The following DOCK8 variants were observed in gnomAD, a reference collection of about 807,000 sequenced individuals.
DOCK8 encodes the protein dedicator of cytokinesis 8.
Under a neutral mutation model 245.6 loss-of-function variants are expected in DOCK8, and 141 were observed. That is an observed-to-expected ratio of 0.57 (90% CI 0.50 to 0.66). The LOEUF (loss-of-function observed/expected upper bound fraction) is 0.66, where lower values mean the gene tolerates loss of function less well. DOCK8 is among the 30% of genes least tolerant of loss of function. DOCK8 has a pLI of 0.00. For missense variants in DOCK8, 2,965 were observed against 2,603.4 expected (o/e 1.14, Z -3.02); for synonymous variants, 1,168 against 970.2 (o/e 1.20, Z -3.79).
At chr9:397,404 T>C (rs2054515407) in intron 25 of DOCK8, among the ~76,000 whole-genome samples, 1 of 146,480 alleles carries the variant, frequency 6.8e-6, no homozygotes, top group South Asian at 2.2e-4. Context: ...AATGATCATA[T>C]CAGGCTGGGT....
At chr9:361,904 T>C (rs894198997) in intron 14 of DOCK8, among the ~76,000 whole-genome samples, 26 of 152,176 alleles carry the variant, frequency 1.7e-4, no homozygotes, top group Non-Finnish European at 1.0e-4. Flanking sequence ...CTGTCAAAGA[T>C]AAAATTTTAT....
intron 1 of DOCK8, among the ~76,000 whole-genome samples, chr9:262,573 C>CA (rs1447966239): frequency 1.9e-4 from 29 of 150,288 alleles, no homozygotes; most frequent in Non-Finnish European, 3.4e-4. Context: ...GAAGCCAGAC[C>CA]AAAAAAAGAG....
chr9:324,316 TCA>T (rs1248746004), intron 7 of DOCK8, among the ~76,000 whole-genome samples: 1 of 152,222 alleles, frequency 6.6e-6, no homozygotes, highest in African/African-American at 2.4e-5. Context: ...GGACATCCTC[TCA>T]CACATACCTG....
At chr9:245,192 T>TTTTA (rs1222435842) in intron 1 of DOCK8, among the ~76,000 whole-genome samples, 3 of 152,112 alleles carry the variant, frequency 2.0e-5, no homozygotes, top group African/African-American at 4.8e-5. Context: ...AGATATTTTC[T>TTTTA]TTTATTTATT....
At chr9:423,950 C>T (rs527335203) in intron 33 of DOCK8, among the ~76,000 whole-genome samples, 3 of 152,226 alleles carry the variant, frequency 2.0e-5, no homozygotes, top group Non-Finnish European at 4.4e-5. Context: ...TGGTCCTTAC[C>T]ACGCATGGCC....
At chr9:368,693 T>G (rs533983710) in intron 15 of DOCK8, 1 of 151,684 alleles carries the variant, frequency 6.6e-6, no homozygotes, top group Non-Finnish European at 1.5e-5. Flanking sequence ...TGCAGTGTGC[T>G]CCAAGGAACT....
chr9:238,744 A>G (rs1416859667), intron 1 of DOCK8, among the ~76,000 whole-genome samples: 1 of 152,214 alleles, frequency 6.6e-6, no homozygotes, highest in Non-Finnish European at 1.5e-5. Context: ...CTAAATAAAG[A>G]CCAAAAGACT....
At chr9:323,997 C>G (rs573705681) in intron 7 of DOCK8, among the ~76,000 whole-genome samples, 1 of 152,296 alleles carries the variant, frequency 6.6e-6, no homozygotes, top group East Asian at 1.9e-4. Context: ...TACATTCACA[C>G]ACATCATTAT....
chr9:218,243 A>G (rs893067926), intron 1 of DOCK8, among the ~76,000 whole-genome samples: 1 of 152,190 alleles, frequency 6.6e-6, no homozygotes, highest in African/African-American at 2.4e-5. Context: ...AGTGTAAACT[A>G]TCTCTTAAAA....
chr9:350,857 G>A (rs2052132465), intron 14 of DOCK8, among the ~76,000 whole-genome samples: 1 of 152,194 alleles, frequency 6.6e-6, no homozygotes, highest in African/African-American at 2.4e-5. Flanking sequence ...TGGTGCCAAA[G>A]AATGGACATA....
intron 13 of DOCK8, 115 bp from the exon 14 acceptor site, chr9:340,044 A>T: frequency 8.2e-7 from 1 of 1,217,176 alleles, no homozygotes; most frequent in South Asian, 1.3e-5. Flanking sequence ...AAACTTTTTT[A>T]CAGTACTATA....
intron 2 of DOCK8, among the ~76,000 whole-genome samples, chr9:284,029 T>A (rs1194282594): frequency 6.6e-6 from 1 of 152,182 alleles, no homozygotes; most frequent in African/African-American, 2.4e-5. Flanking sequence ...TAATGCTCAA[T>A]AATTATTACT....
chr9:447,724 GAACA>G (rs1240941886), intron 44 of DOCK8, among the ~76,000 whole-genome samples: 2 of 152,180 alleles, frequency 1.3e-5, no homozygotes, highest in African/African-American at 2.4e-5. Context: ...TCAAGTTGGT[GAACA>G]AACACAGATG....
chr9:214,720 G>C (rs2046694102), upstream of DOCK8: 2 of 1,538,864 alleles, frequency 1.3e-6, no homozygotes, highest in Non-Finnish European at 1.7e-6. Context: ...GGCCAGTTCC[G>C]CGCTGGGCCC....
intron 45 of DOCK8, among the ~76,000 whole-genome samples, chr9:451,743 A>AT (rs1228694084): frequency 1.0e-4 from 15 of 150,546 alleles, no homozygotes; most frequent in South Asian, 8.4e-4. Context: ...GACCTTCCTT[A>AT]TTTTTTTTTG....
At chr9:446,197 TGGG>T (rs1445205013) in intron 43 of DOCK8, among the ~76,000 whole-genome samples, 170 bp from the exon 44 acceptor site, 1 of 152,194 alleles carries the variant, frequency 6.6e-6, no homozygotes, top group Non-Finnish European at 1.5e-5. Flanking sequence ...CTTCTGTCCT[TGGG>T]GGTGGAGAGG....
At chr9:423,015 C>G (rs1315176132) in intron 33 of DOCK8, among the ~76,000 whole-genome samples, 3 of 148,806 alleles carry the variant, frequency 2.0e-5, no homozygotes, top group African/African-American at 4.9e-5. Flanking sequence ...AACCTCAAAT[C>G]TCTGATGACA....
At chr9:317,186 A>G in intron 7 of DOCK8, 58 bp downstream of exon 7, 2 of 1,345,526 alleles carry the variant, frequency 1.5e-6, no homozygotes, top group Non-Finnish European at 2.1e-6. Flanking sequence ...TTTTACATAC[A>G]AATGTTGTGT....
At chr9:265,676 C>T (rs2048020532) in intron 1 of DOCK8, among the ~76,000 whole-genome samples, 1 of 152,128 alleles carries the variant, frequency 6.6e-6, no homozygotes, top group Non-Finnish European at 1.5e-5. Context: ...GCCATACCAG[C>T]AGATAATGAA....
Sources: allele counts gnomAD v4.1 joint callset (sites outside exome capture counted in the v4.1 genomes callset), GRCh38; gene constraint gnomAD v4.1.1; transcripts MANE v1.5; gene names NCBI Gene and HGNC (gene_info 2026-07-23, HGNC 2026-07-21).